PTPRM: variants seen among roughly 807,000 people sequenced by gnomAD.
PTPRM encodes the protein receptor-type tyrosine-protein phosphatase mu.
Under a neutral mutation model 186.7 loss-of-function variants are expected in PTPRM, and 47 were observed. The ratio of observed to expected loss-of-function variants is 0.25; its 90% CI spans 0.20 to 0.32. The LOEUF is 0.32. PTPRM is among the 10% of genes least tolerant of loss of function. The probability of loss-of-function intolerance (pLI) is 1.00; values close to 1 mark genes in which losing one functional copy is unlikely to be tolerated. For missense variants in PTPRM, 1,494 were observed against 1,865.0 expected (o/e 0.80, Z 3.66); for synonymous variants, 668 against 674.9 (o/e 0.99, Z 0.16).
intron 14 of PTPRM, among the ~76,000 whole-genome samples, chr18:8,209,574 T>C (rs2093974885): frequency 6.6e-6 from 1 of 152,142 alleles, no homozygotes; most frequent in South Asian, 2.1e-4. Flanking sequence ...GTGATGGATT[T>C]AATTGTGTCC....
At chr18:7,807,843 G>A (rs951175596) in intron 2 of PTPRM, among the ~76,000 whole-genome samples, 13 of 152,216 alleles carry the variant, frequency 8.5e-5, no homozygotes, top group Non-Finnish European at 1.9e-4. Flanking sequence ...AATTGACGCA[G>A]TGTGGGTAGA....
rs371011448 is a variant in PTPRM, at chr18:8,171,812, C to G, written c.2300+28033C>G. Among the ~76,000 whole-genome samples, 8 of 152,232 alleles carry G rather than the reference C, an allele frequency of 5.3e-5. 1 individual carries two copies. Among genetic ancestry groups the G allele is most frequent in the Admixed American group, 3.9e-4 (6 of 15,290 alleles). On this transcript the variant is annotated intron_variant, in intron 14 of 32. Coordinates refer to ENST00000580170, the MANE Select transcript of PTPRM (RefSeq NM_001105244.2). ...TAAGAAATGCAGTTATTGCACCTAC[C>G]CTACCCAACTTCATAGGTTAGCCTA...
At chr18:7,629,879 T>C (rs2038151638) in intron 1 of PTPRM, among the ~76,000 whole-genome samples, 1 of 152,048 alleles carries the variant, frequency 6.6e-6, no homozygotes, top group Admixed American at 6.5e-5. Context: ...GTAGAGTGGG[T>C]GGCAGTGGAC....
In PTPRM at chr18:7,715,726, G is replaced by C. The variant is rs540999095; in HGVS notation, c.74-58423G>C. 1.3e-4 allele frequency among the ~76,000 whole-genome samples: 20 copies of C among 152,234 alleles called. No individual in the cohort carries two copies. The South Asian group carries it at 2.1e-3, about 16-fold the overall frequency. ...TATACACCAATAATAGACCAACAGA[G>C]AGGCAAACCATGAGTGAATTTACAT... On this transcript the variant is annotated intron_variant, in intron 1 of 32. Transcript: ENST00000580170.
At chr18:8,000,136 C>T (rs530047088) in intron 7 of PTPRM, among the ~76,000 whole-genome samples, 10 of 152,314 alleles carry the variant, frequency 6.6e-5, no homozygotes, top group East Asian at 3.9e-4. Flanking sequence ...TGCTCAGTAA[C>T]GTGATGCAGG....
In PTPRM at chr18:8,191,556, G is replaced by A. The variant is rs533299002; in HGVS notation, c.2300+47777G>A. Among the ~76,000 whole-genome samples, 15 of 152,074 alleles carry A rather than the reference G, an allele frequency of 9.9e-5. No homozygotes were observed. The East Asian group carries it at 1.9e-3, about 20-fold the overall frequency. ...CATGGAGCCAAGCCTTCTGTGTAAC[G>A]AAAAAGGGGGTATGAGTAAGTGTAT... On this transcript the variant is annotated intron_variant, in intron 14 of 32. Coordinates refer to ENST00000580170, the MANE Select transcript of PTPRM (RefSeq NM_001105244.2).
intron 14 of PTPRM, among the ~76,000 whole-genome samples, chr18:8,151,669 G>A (rs890430754): frequency 1.0e-4 from 15 of 143,022 alleles, no homozygotes; most frequent in South Asian, 2.3e-4. Context: ...TCTCACTTGC[G>A]TTCCAGGAGC....
chr18:8,320,266 T>A (rs2095337567), intron 22 of PTPRM, among the ~76,000 whole-genome samples: 1 of 151,950 alleles, frequency 6.6e-6, no homozygotes, highest in Non-Finnish European at 1.5e-5. Context: ...ATAATTGGGG[T>A]TGGAAAGTCC....
intron 9 of PTPRM, among the ~76,000 whole-genome samples, chr18:8,082,964 C>CT (rs146777387): frequency 0.025 from 3,860 of 151,996 alleles, 157 homozygotes; most frequent in African/African-American, 0.089. Context: ...ATTCCATCCT[C>CT]TTTTTTTTAT....
chr18:8,091,830 A>G (rs1600513266), intron 11 of PTPRM, among the ~76,000 whole-genome samples: 2 of 152,158 alleles, frequency 1.3e-5, no homozygotes, highest in African/African-American at 4.8e-5. Context: ...ACCTAAATAT[A>G]AAGCCATAAT....
At chr18:7,927,471 TGTGGG>T (rs33936333) in intron 5 of PTPRM, among the ~76,000 whole-genome samples, 10,006 of 150,294 alleles carry the variant, frequency 0.067, 614 homozygotes, top group African/African-American at 0.17. Flanking sequence ...TTTGTGTGGG[TGTGGG>T]TTTTTTTTTT....
intron 14 of PTPRM, among the ~76,000 whole-genome samples, chr18:8,184,522 G>A (rs999710040): frequency 6.6e-6 from 1 of 152,128 alleles, no homozygotes; most frequent in African/African-American, 2.4e-5. Context: ...GAGAAGGGGA[G>A]CCTCGGCCCG....
At chr18:8,247,348 C>A (rs1007909604) in intron 15 of PTPRM, among the ~76,000 whole-genome samples, 1 of 152,162 alleles carries the variant, frequency 6.6e-6, no homozygotes, top group East Asian at 1.9e-4. Flanking sequence ...AAGGAACACG[C>A]ATGGAGCACC....
rs555181902 is a variant in PTPRM at position 8,095,432 on chromosome 18, A to G, written c.1856+6581A>G. Among the ~76,000 whole-genome samples, 37 of 152,196 alleles carry G rather than the reference A, an allele frequency of 2.4e-4. No homozygotes were observed. The South Asian group carries it at 7.1e-3, about 29-fold the overall frequency. ...GGAGGACTGAGTTTGGCCTGATCTGAGAATGAGAAGTGTGTTATAATCAGA... is the reference window on the plus strand; with the variant it reads ...GGAGGACTGAGTTTGGCCTGATCTGGGAATGAGAAGTGTGTTATAATCAGA... On this transcript the variant is annotated intron_variant, in intron 11 of 32. Coordinates refer to ENST00000580170, the MANE Select transcript of PTPRM (RefSeq NM_001105244.2).
chr18:7,716,849 G>A (rs2040344779), intron 1 of PTPRM, among the ~76,000 whole-genome samples: 1 of 152,184 alleles, frequency 6.6e-6, no homozygotes, highest in African/African-American at 2.4e-5. Flanking sequence ...AGAGAATGTG[G>A]AGACATAGGA....
intron 9 of PTPRM, among the ~76,000 whole-genome samples, chr18:8,082,055 G>A (rs528920237): frequency 1.3e-5 from 2 of 152,062 alleles, no homozygotes; most frequent in South Asian, 2.1e-4. Flanking sequence ...GTCTCTGTGG[G>A]TGGAGCAAAG....
intron 14 of PTPRM, among the ~76,000 whole-genome samples, chr18:8,232,914 G>C (rs187743747): frequency 1.3e-5 from 2 of 152,160 alleles, no homozygotes; most frequent in African/African-American, 2.4e-5. Flanking sequence ...AGCAAGGAGG[G>C]GGGTGGTGGT....
chr18:8,343,013 T>C (rs112719712), intron 22 of PTPRM, among the ~76,000 whole-genome samples: 96 of 152,354 alleles, frequency 6.3e-4, no homozygotes, highest in African/African-American at 2.2e-3. Flanking sequence ...ATTTTTCCTA[T>C]AGAGGCTCAT....
At chr18:8,275,145 A>C (rs542599005) in intron 19 of PTPRM, among the ~76,000 whole-genome samples, 1 of 152,316 alleles carries the variant, frequency 6.6e-6, no homozygotes, top group African/African-American at 2.4e-5. Flanking sequence ...ATGGAAATGT[A>C]GGTTTCAACG....
Sources: allele counts gnomAD v4.1 joint callset (sites outside exome capture counted in the v4.1 genomes callset), GRCh38; gene constraint gnomAD v4.1.1; transcripts MANE v1.5; gene names NCBI Gene and HGNC (gene_info 2026-07-23, HGNC 2026-07-21).